SNRNP70: variants seen among roughly 807,000 people sequenced by gnomAD.
The protein encoded by SNRNP70 is U1 small nuclear ribonucleoprotein 70 kDa.
In SNRNP70, 8 loss-of-function variants were observed where a neutral mutation model predicts 50.5. The observed-to-expected ratio is 0.16, with a 90% CI of 0.09 to 0.29. The LOEUF (loss-of-function observed/expected upper bound fraction) is 0.29, where lower values mean the gene tolerates loss of function less well. Among genes scored for constraint, SNRNP70 ranks in the 10% least tolerant of loss-of-function variants. The pLI, the probability that SNRNP70 is intolerant of heterozygous loss-of-function variation, is 1.00. For missense variants in SNRNP70, 529 were observed against 663.5 expected, an observed-to-expected ratio of 0.80 and a Z score of 2.23; for synonymous variants, 320 against 252.9, an observed-to-expected ratio of 1.27 and a Z score of -2.52.
rs1358693277 is a variant in SNRNP70, at chr19:49,108,275, G to T, written c.1146G>T (p.Glu382Asp). ...RDRDREHKRG[E>D]RGSERGRDEA... ...GTGACCGCGAGCACAAACGGGGGGA[G>T]CGGGGCAGTGAGCGGGGCAGGGATG... Residue 382 changes from glutamate (E) to aspartate (D), a missense_variant, in exon 10 of 10, where the codon GAG becomes GAT. By Grantham distance (45) the Glu-to-Asp change is conservative. This residue lies in a region of SNRNP70 where 327 missense variants were observed against 308.8 expected (regional missense o/e 1.06). Coordinates refer to ENST00000598441, the MANE Select transcript of SNRNP70 (RefSeq NM_003089.6). The T allele has an allele frequency of 6.4e-7, 1 of 1,559,904 alleles. No individual in the cohort carries two copies. Among genetic ancestry groups the T allele is most frequent in the African/African-American group, 1.4e-5 (1 of 73,602 alleles).
chr19:49,091,326 G>A (rs1008608221), intron 4 of SNRNP70, among the ~76,000 whole-genome samples: 2 of 151,378 alleles, frequency 1.3e-5, no homozygotes, highest in Admixed American at 1.3e-4. Flanking sequence ...CCGGGATCGC[G>A]TCGGCTCACT....
rs201425300 is a variant in SNRNP70, at chr19:49,096,077, G to GT, written c.266-2340dup. Among the ~76,000 whole-genome samples, 482 of 138,176 alleles carry GT rather than the reference G, an allele frequency of 3.5e-3. 5 individuals carry two copies. The East Asian group carries it at 0.041, about 12-fold the overall frequency. 90.6% of individuals were successfully genotyped at this position (138,176 alleles called of 152,430 possible). A position where few individuals can be genotyped will look rare whatever the true frequency, so the allele number is the denominator to read the frequency against. On this transcript the variant is annotated intron_variant, in intron 4 of 9. Transcript: ENST00000598441. ...TGGCAAGGAACGTTTTTTGTTTTTT[G>GT]TTTTTTTTTTCGCTTTATTGCCGAG... is the stretch of plus-strand genomic sequence containing the variant.
chr19:49,095,598 G>C lies in SNRNP70; in HGVS notation c.266-2829G>C, dbSNP rs537624483. 8.1e-5 allele frequency among the ~76,000 whole-genome samples: 12 copies of C among 149,022 alleles called. No individual in the cohort carries two copies. In the South Asian group the frequency reaches 2.6e-3, roughly 32 times the overall value. ...TGCACAGGATAGACTGTAGTGGCAC[G>C]ATCTCGGTTTACTGCAACCTTCATC... On this transcript the variant is annotated intron_variant, in intron 4 of 9. Coordinates refer to ENST00000598441, the MANE Select transcript of SNRNP70 (RefSeq NM_003089.6).
chr19:49,099,971 T>C (rs2040562243), intron 6 of SNRNP70, among the ~76,000 whole-genome samples: 1 of 151,534 alleles, frequency 6.6e-6, no homozygotes, highest in Non-Finnish European at 1.5e-5. Flanking sequence ...CACACACACG[T>C]TGTTCTGCCT....
intron 4 of SNRNP70, among the ~76,000 whole-genome samples, chr19:49,092,750 T>G (rs73046784): frequency 0.12 from 18,189 of 152,028 alleles, 1,328 homozygotes; most frequent in East Asian, 0.2. Context: ...ACTGTGGGTC[T>G]TCTTTTTTTT....
chr19:49,097,949 G>C (rs1048012286), intron 4 of SNRNP70, among the ~76,000 whole-genome samples: 6 of 152,232 alleles, frequency 3.9e-5, no homozygotes, highest in Non-Finnish European at 7.3e-5. Context: ...GGGGCAGCTT[G>C]GTCTCAGGTT....
In SNRNP70 at chr19:49,108,497, G is replaced by A; in HGVS notation, c.*54G>A. ...TGGACGCGTTCCTGCCCAGCCCCTT[G>A]CTGTCATCCCCTCCCCCAACCTTGG... On this transcript the variant is annotated 3_prime_UTR_variant, in exon 10 of 10. Transcript: ENST00000598441. The A allele has an allele frequency of 6.5e-7, 1 of 1,540,248 alleles. No homozygotes were observed. Among genetic ancestry groups the A allele is most frequent in the Middle Eastern group, 1.9e-4 (1 of 5,130 alleles).
chr19:49,102,507 A>G (rs2040602093), intron 7 of SNRNP70: 1 of 242,538 alleles, frequency 4.1e-6, no homozygotes, highest in Admixed American at 4.7e-5. Flanking sequence ...GCAGGGCTCC[A>G]GGCCAGGGCT....
At chr19:49,101,711 G>T in intron 7 of SNRNP70, 1 of 518,740 alleles carries the variant, frequency 1.9e-6, no homozygotes. Context: ...AGTGTCACAC[G>T]TTGAACCTCA....
rs1233217038 is a variant in SNRNP70, at chr19:49,108,094, C to T, written c.965C>T (p.Ala322Val). The change falls in exon 10 of 10, where the codon GCG becomes GTG. Residue 322 changes from alanine (A) to valine (V), a missense_variant. By Grantham distance (64) the Ala-to-Val change is moderately conservative. Coordinates refer to ENST00000598441, the MANE Select transcript of SNRNP70 (RefSeq NM_003089.6). ...GGGDMAEPSE[A>V]GDAPPDDGPP... ...GGCGACATGGCGGAGCCCTCCGAGG[C>T]GGGTGACGCGCCCCCTGATGATGGG... 4 of 1,551,144 alleles carry T rather than the reference C, an allele frequency of 2.6e-6. No homozygotes were observed. Among genetic ancestry groups the T allele is most frequent in the South Asian group, 1.2e-5 (1 of 83,658 alleles).
In SNRNP70 at chr19:49,108,349, G is replaced by A; in HGVS notation, c.1220G>A (p.Gly407Asp). Residue 407 changes from glycine to aspartate, a missense_variant, in exon 10 of 10, where the codon GGC (glycine) becomes GAC (aspartate). Physicochemically the swap from Gly to Asp is moderately conservative, Grantham distance 94. Around this residue, in one of 4 missense-constraint regions of SNRNP70, gnomAD observed 327 missense variants for 308.8 expected, o/e 1.06. Transcript: ENST00000598441. The stretch of plus-strand genomic sequence containing the variant: ...CAGGACAACGGGCTGGAGGGTCTGG[G>A]CAACGACAGCCGAGACATGTACATG... The part of the protein sequence containing the change: ...GGQDNGLEGL[G>D]NDSRDMYMES... 2 of 1,607,360 alleles carry A rather than the reference G, an allele frequency of 1.2e-6. No individual in the cohort carries two copies. Among genetic ancestry groups the A allele is most frequent in the Admixed American group, 1.7e-5 (1 of 59,358 alleles).
chr19:49,096,480 C>T (rs1242099000), intron 4 of SNRNP70, among the ~76,000 whole-genome samples: 1 of 152,022 alleles, frequency 6.6e-6, no homozygotes, highest in Non-Finnish European at 1.5e-5. Flanking sequence ...CTAAAATATT[C>T]TTAGGCCAGG....
chr19:49,090,490 C>A lies in SNRNP70; in HGVS notation c.235C>A (p.Gln79Lys). Residue 79 changes from glutamine (Q) to lysine (K), a missense_variant, in exon 4 of 10, where the codon CAG (glutamine) becomes AAG (lysine). Gln to Lys is a moderately conservative substitution (Grantham distance 53, BLOSUM62 1). Coordinates refer to ENST00000598441, the MANE Select transcript of SNRNP70 (RefSeq NM_003089.6). The stretch of plus-strand genomic sequence containing the variant: ...GAGACGGGAAAAGATTGAGCGGCGA[C>A]AGCAAGAAGTGGAGACAGAGCTTAA... ...RKRREKIERRQQEVETELKMW... is the reference protein window; with the variant it reads ...RKRREKIERRKQEVETELKMW... 1.2e-6 allele frequency: 2 copies of A among 1,614,170 alleles called. No individual in the cohort carries two copies. Among genetic ancestry groups the A allele is most frequent in the Non-Finnish European group, 1.7e-6 (2 of 1,180,028 alleles).
At chr19:49,105,182 G>T (rs1057274791) in intron 8 of SNRNP70, among the ~76,000 whole-genome samples, 2 of 152,052 alleles carry the variant, frequency 1.3e-5, no homozygotes, top group Non-Finnish European at 2.9e-5. Context: ...GTACCTATTG[G>T]ATCACCAGCT....
At chr19:49,106,763 G>T (rs953356247) in intron 8 of SNRNP70, among the ~76,000 whole-genome samples, 1 of 152,164 alleles carries the variant, frequency 6.6e-6, no homozygotes, top group Non-Finnish European at 1.5e-5. Context: ...GAACCATGAG[G>T]TTATCATCTG....
chr19:49,086,069 C>G (rs571183653), intron 1 of SNRNP70, among the ~76,000 whole-genome samples: 96 of 152,318 alleles, frequency 6.3e-4, no homozygotes, highest in Non-Finnish European at 1.1e-3. Flanking sequence ...CGAGCAGCCA[C>G]AGCTGCTCTG....
chr19:49,104,866 T>C lies in SNRNP70; in HGVS notation c.577+131T>C, dbSNP rs958986985. The C allele has an allele frequency of 1.9e-5, 11 of 593,484 alleles. No homozygotes were observed. The African/African-American group carries it at 1.9e-4, about 10-fold the overall frequency. 36.8% of individuals were successfully genotyped at this position (593,484 alleles called of 1,614,324 possible). On this transcript the variant is annotated intron_variant, in intron 8 of 9. Transcript: ENST00000598441. This position sits in a 1 kb window ranked among gnomAD's most constrained non-coding sequence, Gnocchi z 5.4. ...CTCCCATCGCGTCCTCATCTCCGGC[T>C]TCTCTCTCTTGTGGCCATCACATTT...
chr19:49,093,107 G>GTTTT (rs1167735677), intron 4 of SNRNP70, among the ~76,000 whole-genome samples: 2 of 150,434 alleles, frequency 1.3e-5, no homozygotes, highest in African/African-American at 2.4e-5. Context: ...TTTGTTTTTT[G>GTTTT]TTTTTTAGAT....
intron 7 of SNRNP70, among the ~76,000 whole-genome samples, chr19:49,101,925 GC>G (rs2040593528): frequency 6.6e-6 from 1 of 150,402 alleles, no homozygotes; most frequent in Non-Finnish European, 1.5e-5. Flanking sequence ...CCCAACCCTG[GC>G]CCCCCACCCT....
Sources: gnomAD v4.1 joint callset for allele counts (sites outside exome capture counted in the v4.1 genomes callset) on GRCh38, gnomAD v4.1.1 for gene constraint, gnomAD v4.1.1 regional missense constraint, Gnocchi (gnomAD v3.1) non-coding constraint, MANE v1.5 for transcripts, NCBI Gene and HGNC (gene_info 2026-07-23, HGNC 2026-07-21) for gene names.